Variants in SH3PXD2B observed in about 807,000 individuals in gnomAD.
SH3PXD2B encodes the protein SH3 and PX domain-containing protein 2B.
In SH3PXD2B, 37 loss-of-function variants were observed where a neutral mutation model predicts 73.1. The observed-to-expected ratio is 0.51, with a 90% CI of 0.39 to 0.67. SH3PXD2B has a LOEUF of 0.67. Among genes scored for constraint, SH3PXD2B ranks in the 30% least tolerant of loss-of-function variants. The pLI, the probability that SH3PXD2B is intolerant of heterozygous loss-of-function variation, is 0.00. For missense variants in SH3PXD2B, 1,053 were observed against 1,197.8 expected, an observed-to-expected ratio of 0.88 and a Z score of 1.78; for synonymous variants, 457 against 480.5, an observed-to-expected ratio of 0.95 and a Z score of 0.64.
intron 3 of SH3PXD2B, 55 bp from the exon 4 acceptor site, chr5:172,394,694 GCAAC>G: frequency 6.3e-7 from 1 of 1,588,088 alleles, no homozygotes; most frequent in Non-Finnish European, 8.6e-7. Flanking sequence ...CAAGCTCTCA[GCAAC>G]CTGAGAGGGT....
At position 172,339,557 on chromosome 5, in the gene SH3PXD2B, C is replaced by T. The variant is rs1756801118; in HGVS notation, c.1548G>A (p.Met516Ile). ...GCGGAGGGAGGCTGGGCTTCTCCTC[C>T]ATGTCGGGGTCTGAGATCTCCTCGT... ...AGYEEISDPDMEEKPSLPPRK... is the reference protein window; with the variant it reads ...AGYEEISDPDIEEKPSLPPRK... Residue 516 changes from methionine (M) to isoleucine (I), a missense_variant, in exon 13 of 13, where the codon ATG becomes ATA. Physicochemically the swap from Met to Ile is conservative, Grantham distance 10. Coordinates refer to ENST00000311601, the MANE Select transcript of SH3PXD2B (RefSeq NM_001017995.3). The surrounding 1 kb of genome is among the most constrained non-coding windows in gnomAD (Gnocchi z 6.1). 6.2e-7 allele frequency: 1 copy of T among 1,614,230 alleles called. No individual in the cohort carries two copies.
intron 5 of SH3PXD2B, among the ~76,000 whole-genome samples, chr5:172,375,453 C>T (rs1757802797): frequency 6.6e-6 from 1 of 152,156 alleles, no homozygotes; most frequent in South Asian, 2.1e-4. Flanking sequence ...CAACCATCAC[C>T]AGACCACTTT....
Position 172,333,591 on chromosome 5 carries a change from T to C in SH3PXD2B, c.*4778A>G. The C allele has an allele frequency of 3.9e-6, 5 of 1,269,706 alleles. No homozygotes were observed. The highest frequency in any genetic ancestry group is 5.1e-6 in the Non-Finnish European group (5 of 982,326). The allele number at this position is 1,269,706 out of a possible 1,614,324, so 78.7% of individuals were successfully genotyped here. ...AATGGTAAAGTATATAGCCTACACA[T>C]GCTACAGCTAGTTGTTCTCACCCCT... On this transcript the variant is annotated 3_prime_UTR_variant, in exon 13 of 13. Transcript: ENST00000311601.
At chr5:172,447,346 T>C (rs570423726) in intron 1 of SH3PXD2B, among the ~76,000 whole-genome samples, 2 of 152,368 alleles carry the variant, frequency 1.3e-5, no homozygotes, top group East Asian at 1.9e-4. Flanking sequence ...ATGCTTGTGA[T>C]AGAAGATGGA....
chr5:172,358,044 CATT>C (rs75083409), intron 8 of SH3PXD2B, among the ~76,000 whole-genome samples: 3,276 of 152,226 alleles, frequency 0.022, 41 homozygotes, highest in Middle Eastern at 0.048. Flanking sequence ...ATATAGATAT[CATT>C]GTTTCCATTT....
At position 172,350,407 on chromosome 5, in the gene SH3PXD2B, C is replaced by T. The variant is rs1335953042; in HGVS notation, c.968G>A (p.Gly323Glu). 1 of 1,613,974 alleles carries T rather than the reference C, an allele frequency of 6.2e-7. No individual in the cohort carries two copies. Among genetic ancestry groups the T allele is most frequent in the South Asian group, 1.1e-5 (1 of 91,068 alleles). ...EKELLSSQRD[G>E]RFEGRPVPDG... Reference sequence around the variant, plus strand: ...GGGCACCGGGCGGCCTTCAAACCGCCCGTCCCTCTGGCTGCTGAGCAGCTC... The same window carrying T: ...GGGCACCGGGCGGCCTTCAAACCGCTCGTCCCTCTGGCTGCTGAGCAGCTC... Residue 323 changes from glycine to glutamate, a missense_variant, in exon 10 of 13, where the codon GGG (glycine) becomes GAG (glutamate). By Grantham distance (98) the Gly-to-Glu change is moderately conservative. Coordinates refer to ENST00000311601, the MANE Select transcript of SH3PXD2B (RefSeq NM_001017995.3).
intron 2 of SH3PXD2B, among the ~76,000 whole-genome samples, chr5:172,415,976 T>G (rs920860122): frequency 6.6e-6 from 1 of 152,180 alleles, no homozygotes; most frequent in African/African-American, 2.4e-5. Flanking sequence ...GGCATCACTA[T>G]CAGGCCCTTC....
intron 8 of SH3PXD2B, among the ~76,000 whole-genome samples, chr5:172,354,689 C>T (rs73321648): frequency 0.01 from 1,565 of 152,252 alleles, 22 homozygotes; most frequent in African/African-American, 0.035. Flanking sequence ...ACTGCGGACA[C>T]GGTGCACAAT....
chr5:172,332,934 ATGTTT>A (rs1157166181), downstream of SH3PXD2B, among the ~76,000 whole-genome samples: 429 of 139,110 alleles, frequency 3.1e-3, 5 homozygotes, highest in African/African-American at 0.011. Flanking sequence ...CCACCGCACA[ATGTTT>A]TTTTTTTTTT....
chr5:172,362,350 A>G (rs1757420749), intron 7 of SH3PXD2B, among the ~76,000 whole-genome samples: 1 of 152,072 alleles, frequency 6.6e-6, no homozygotes, highest in African/African-American at 2.4e-5. Flanking sequence ...GGAGACAGGG[A>G]ATGCGCCTGT....
chr5:172,371,942 A>G (rs1010460850), intron 6 of SH3PXD2B, among the ~76,000 whole-genome samples: 2 of 152,236 alleles, frequency 1.3e-5, no homozygotes, highest in Non-Finnish European at 2.9e-5. Flanking sequence ...CTTTAGCAGG[A>G]TGCCATGGCT....
chr5:172,390,815 T>TGTGTGTGTGTGTG (rs1758168687), intron 4 of SH3PXD2B, among the ~76,000 whole-genome samples: 24 of 139,998 alleles, frequency 1.7e-4, no homozygotes, highest in Admixed American at 8.7e-4. Context: ...TTCCCGTCTT[T>TGTGTGTGTGTGTG]TGTGTGTGTG....
chr5:172,401,545 T>G (rs144810948), intron 3 of SH3PXD2B, among the ~76,000 whole-genome samples: 2 of 152,132 alleles, frequency 1.3e-5, no homozygotes, highest in South Asian at 4.1e-4. Context: ...GGCATCAAAA[T>G]TGAGAGAACG....
At chr5:172,440,648 T>C (rs1012597121) in intron 1 of SH3PXD2B, among the ~76,000 whole-genome samples, 1 of 152,102 alleles carries the variant, frequency 6.6e-6, no homozygotes, top group African/African-American at 2.4e-5. Flanking sequence ...ACTGGCTGCA[T>C]CATGGGGAAT....
At chr5:172,416,696 C>CTT (rs202242720) in intron 2 of SH3PXD2B, among the ~76,000 whole-genome samples, 35 of 62,250 alleles carry the variant, frequency 5.6e-4, no homozygotes, top group South Asian at 1.2e-3. Flanking sequence ...CTCTCTCTCT[C>CTT]TTTTTTTTTT....
chr5:172,335,545 C>A lies in SH3PXD2B; in HGVS notation c.*2824G>T. The A allele has an allele frequency of 3.2e-6, 4 of 1,231,760 alleles. No individual in the cohort carries two copies. Among genetic ancestry groups the A allele is most frequent in the Non-Finnish European group, 2.0e-6 (2 of 987,978 alleles). The allele number at this position is 1,231,760 out of a possible 1,614,324, so 76.3% of individuals were successfully genotyped here. A position where few individuals can be genotyped will look rare whatever the true frequency, so the allele number is the denominator to read the frequency against. On this transcript the variant is annotated 3_prime_UTR_variant, in exon 13 of 13. Transcript: ENST00000311601. ...TATAGATCAGGGCTGGTCCTATCCG[C>A]CTCACAGGCTTGCCGTAAGGATTAA...
At chr5:172,329,572 C>T (rs1756516997), downstream of SH3PXD2B, among the ~76,000 whole-genome samples, 1 of 96,700 alleles carries the variant, frequency 1.0e-5, no homozygotes, top group Non-Finnish European at 2.0e-5. Flanking sequence ...GAGTCTTGCT[C>T]TGTCACCCAG....
chr5:172,392,420 C>T (rs934989667), intron 4 of SH3PXD2B, among the ~76,000 whole-genome samples: 6 of 152,270 alleles, frequency 3.9e-5, no homozygotes, highest in African/African-American at 1.4e-4. Flanking sequence ...TGGTATTTTG[C>T]TATGCAGCCC....
chr5:172,413,757 C>T (rs1003877891), intron 2 of SH3PXD2B, among the ~76,000 whole-genome samples: 4 of 152,196 alleles, frequency 2.6e-5, no homozygotes, highest in African/African-American at 9.7e-5. Flanking sequence ...TTCCCAGTGA[C>T]ACACCTTCCA....
Sources: gnomAD v4.1 joint callset for allele counts (sites outside exome capture counted in the v4.1 genomes callset) on GRCh38, gnomAD v4.1.1 for gene constraint, Gnocchi (gnomAD v3.1) non-coding constraint, MANE v1.5 for transcripts, NCBI Gene and HGNC (gene_info 2026-07-23, HGNC 2026-07-21) for gene names.